BTAF1: variants seen among roughly 807,000 people sequenced by gnomAD.
BTAF1 encodes TATA-binding protein-associated factor 172.
BTAF1 carries 38 observed loss-of-function variants against 227.1 expected under a neutral mutation model. That is an observed-to-expected ratio of 0.17 (90% CI 0.13 to 0.22). The LOEUF (loss-of-function observed/expected upper bound fraction) is 0.22. Among genes scored for constraint, BTAF1 ranks in the 10% least tolerant of loss-of-function variants. BTAF1 has a pLI of 1.00. For missense variants in BTAF1, 1,598 were observed against 2,204.0 expected, an observed-to-expected ratio of 0.73 and a Z score of 5.51; for synonymous variants, 742 against 751.9, an observed-to-expected ratio of 0.99 and a Z score of 0.21.
chr10:91,938,859 A>G (rs533120484), intron 2 of BTAF1, among the ~76,000 whole-genome samples: 4 of 152,214 alleles, frequency 2.6e-5, no homozygotes, highest in African/African-American at 7.2e-5. Flanking sequence ...CCCCATCTCT[A>G]AAAAATAAAA....
At chr10:91,935,827 T>C in intron 2 of BTAF1, 47 bp downstream of exon 2, 1 of 1,438,264 alleles carries the variant, frequency 7.0e-7, no homozygotes, top group Non-Finnish European at 9.4e-7. Context: ...TGTAGAGACT[T>C]ATTCATGGAT....
intron 4 of BTAF1, among the ~76,000 whole-genome samples, chr10:91,943,471 A>G (rs555198484): frequency 6.6e-6 from 1 of 152,332 alleles, no homozygotes; most frequent in Non-Finnish European, 1.5e-5. Context: ...TAAGTAAATA[A>G]TTTGCATTTT....
In BTAF1 at chr10:92,029,759, A is replaced by G. The variant is rs1299796633; in HGVS notation, c.*826A>G. ...ATTTTACACTGTTTAGAATTCCAAC[A>G]CCTACAGTGGAAAGACTGTTTATTG... is the stretch of plus-strand genomic sequence containing the variant. On this transcript the variant is annotated 3_prime_UTR_variant, in exon 38 of 38. Coordinates refer to ENST00000265990, the MANE Select transcript of BTAF1 (RefSeq NM_003972.3). 6.6e-6 allele frequency: 1 copy of G among 152,218 alleles called. No individual in the cohort carries two copies. The highest frequency in any genetic ancestry group is 2.4e-5 in the African/African-American group (1 of 41,432). 9.4% of individuals were successfully genotyped at this position (152,218 alleles called of 1,614,324 possible). A position where few individuals can be genotyped will look rare whatever the true frequency, so the allele number is the denominator to read the frequency against.
chr10:91,992,632 A>T (rs574273339), intron 21 of BTAF1, among the ~76,000 whole-genome samples: 3 of 152,326 alleles, frequency 2.0e-5, no homozygotes, highest in African/African-American at 7.2e-5. Flanking sequence ...CACAAATGTC[A>T]TATAATTGCA....
intron 33 of BTAF1, among the ~76,000 whole-genome samples, chr10:92,017,373 A>C (rs1564721213): frequency 6.6e-6 from 1 of 152,178 alleles, no homozygotes; most frequent in Non-Finnish European, 1.5e-5. Context: ...AGAGAATAGC[A>C]AAAAGAGGTG....
chr10:91,987,730 C>T (rs1175862537), intron 19 of BTAF1, among the ~76,000 whole-genome samples: 1 of 152,026 alleles, frequency 6.6e-6, no homozygotes, highest in Non-Finnish European at 1.5e-5. Context: ...TTCTTCTTTT[C>T]ATCACTTTCT....
chr10:92,006,185 G>A (rs1274811699), intron 25 of BTAF1, among the ~76,000 whole-genome samples: 1 of 152,182 alleles, frequency 6.6e-6, no homozygotes, highest in East Asian at 1.9e-4. Flanking sequence ...TGGCCATTCA[G>A]TCTGTTGCAA....
intron 4 of BTAF1, among the ~76,000 whole-genome samples, chr10:91,950,386 TTC>T (rs1845689827): frequency 6.6e-6 from 1 of 152,120 alleles, no homozygotes; most frequent in African/African-American, 2.4e-5. Flanking sequence ...AGTTTGTTTT[TTC>T]TGTTTTTGCC....
intron 16 of BTAF1, 83 bp from the exon 17 acceptor site, chr10:91,982,000 T>G (rs966535336): frequency 4.1e-6 from 6 of 1,459,680 alleles, no homozygotes; most frequent in Non-Finnish European, 2.7e-6. Flanking sequence ...ACTGGGATTA[T>G]TTTAAAAATA....
chr10:91,930,051 AATT>A (rs1418818110), intron 1 of BTAF1, among the ~76,000 whole-genome samples: 9 of 152,176 alleles, frequency 5.9e-5, no homozygotes, highest in African/African-American at 2.2e-4. Context: ...TACTAGTTTG[AATT>A]ATTATTTTAA....
At chr10:92,014,734 T>G (rs1274893337) in intron 32 of BTAF1, among the ~76,000 whole-genome samples, 1 of 152,214 alleles carries the variant, frequency 6.6e-6, no homozygotes, top group East Asian at 1.9e-4. Context: ...GTCATAGAGC[T>G]AATACACAAT....
chr10:92,019,871 A>AGTTTT (rs1181318502), intron 34 of BTAF1, among the ~76,000 whole-genome samples: 1 of 144,530 alleles, frequency 6.9e-6, no homozygotes, highest in Non-Finnish European at 1.5e-5. Flanking sequence ...GAGTTGTGAA[A>AGTTTT]GTTTTGTTTT....
At chr10:92,011,043 T>C (rs550762157) in intron 28 of BTAF1, 30 bp from the exon 29 acceptor site, 5 of 1,533,990 alleles carry the variant, frequency 3.3e-6, no homozygotes, top group Non-Finnish European at 4.5e-6. Flanking sequence ...AGGGTCTCTG[T>C]TTTCTAATTT....
intron 35 of BTAF1, among the ~76,000 whole-genome samples, chr10:92,025,472 G>A (rs924723971): frequency 1.3e-5 from 2 of 151,586 alleles, no homozygotes; most frequent in Non-Finnish European, 2.9e-5. Flanking sequence ...CCTAGGTTCT[G>A]CTTAGTCCCA....
At chr10:91,964,463 TAGAA>T (rs1198419573) in intron 13 of BTAF1, among the ~76,000 whole-genome samples, 1 of 152,290 alleles carries the variant, frequency 6.6e-6, no homozygotes, top group East Asian at 1.9e-4. Context: ...ATTGTTTACT[TAGAA>T]ATATAATCAT....
At chr10:91,990,686 G>A (rs1422565059) in intron 20 of BTAF1, among the ~76,000 whole-genome samples, 1 of 152,024 alleles carries the variant, frequency 6.6e-6, no homozygotes, top group South Asian at 2.1e-4. Flanking sequence ...CCAGCTACTC[G>A]GGAGGCTGAG....
rs1205845777 is a variant in BTAF1 at position 91,962,698 on chromosome 10, A to T, written c.1404+20A>T. The T allele has an allele frequency of 6.4e-7, 1 of 1,570,992 alleles. No individual in the cohort carries two copies. The highest frequency in any genetic ancestry group is 8.6e-7 in the Non-Finnish European group (1 of 1,160,172). On this transcript the variant is annotated intron_variant, in intron 12 of 37. Transcript: ENST00000265990. ...CAAAAGGTAAATTAAATATTTTTAC[A>T]GTTTCTTACTATAGAGCTTGTTTTC...
intron 35 of BTAF1, among the ~76,000 whole-genome samples, chr10:92,025,700 TG>T (rs1004087957): frequency 8.0e-5 from 12 of 150,128 alleles, no homozygotes; most frequent in Admixed American, 2.0e-4. Flanking sequence ...CCAGCTACTC[TG>T]GAGGCTGAGG....
At chr10:92,007,644 T>G (rs1454085266) in intron 25 of BTAF1, among the ~76,000 whole-genome samples, 1 of 152,180 alleles carries the variant, frequency 6.6e-6, no homozygotes, top group East Asian at 1.9e-4. Context: ...GTACACGCAG[T>G]TTTCTCCATG....
Sources: gnomAD v4.1 joint callset for allele counts (sites outside exome capture counted in the v4.1 genomes callset) on GRCh38, gnomAD v4.1.1 for gene constraint, MANE v1.5 for transcripts, NCBI Gene and HGNC (gene_info 2026-07-23, HGNC 2026-07-21) for gene names.